PCLO: variants seen among roughly 807,000 people sequenced by gnomAD.
PCLO encodes piccolo presynaptic cytomatrix protein.
In PCLO, 82 loss-of-function variants were observed where a neutral mutation model predicts 427.5. The observed-to-expected ratio is 0.19, with a 90% CI of 0.16 to 0.23. The LOEUF (loss-of-function observed/expected upper bound fraction) is 0.23. PCLO is among the 10% of genes least tolerant of loss of function. PCLO has a pLI of 1.00. For missense variants in PCLO, 6,239 were observed against 6,115.9 expected, an observed-to-expected ratio of 1.02 and a Z score of -0.67; for synonymous variants, 2,357 against 2,155.4, an observed-to-expected ratio of 1.09 and a Z score of -2.59.
Position 82,846,293 on chromosome 7 carries a change from A to G in PCLO, c.13831+274T>C, listed in dbSNP as rs368076496. Among the ~76,000 whole-genome samples the G allele has an allele frequency of 1.1e-4, 17 of 152,298 alleles. No individual in the cohort carries two copies. The South Asian group carries it at 2.9e-3, about 26-fold the overall frequency. On this transcript the variant is annotated intron_variant, in intron 12 of 24. Coordinates refer to ENST00000333891, the MANE Select transcript of PCLO (RefSeq NM_033026.6). ...AGGATGAATTCATATTTAAAGAATT[A>G]AAACTGTGAACTCATGCAGCAAGGA...
At chr7:82,794,459 CTTTTTTTTTTTTTTTTTT>C (rs778108792) in intron 22 of PCLO, among the ~76,000 whole-genome samples, 1 of 56,350 alleles carries the variant, frequency 1.8e-5, no homozygotes, top group Non-Finnish European at 4.1e-5. Flanking sequence ...AATTTTTTTT[CTTTTTTTTTTTTTTTTTT>C]TTTTTTTTTT....
At chr7:82,931,160 AC>A in intron 6 of PCLO, among the ~76,000 whole-genome samples, 1 of 152,140 alleles carries the variant, frequency 6.6e-6, no homozygotes. Context: ...AAATACAGTA[AC>A]CATATAAGGC....
chr7:82,966,373 C>T lies in PCLO; in HGVS notation c.3415G>A (p.Val1139Ile), dbSNP rs370688882. Residue 1139 changes from valine to isoleucine, a missense_variant, in exon 4 of 25, where the codon GTT (valine) becomes ATT (isoleucine). Val to Ile is a conservative substitution (Grantham distance 29). This residue lies in a region of PCLO where 4,677 missense variants were observed against 4,468.4 expected (regional missense o/e 1.05). Transcript: ENST00000333891. Reference sequence around the variant, plus strand: ...TTCTGAGATGATGATTCTGTAGGAACAGGCATAGGAGATGCTTTGGGTCCT... The same window carrying T: ...TTCTGAGATGATGATTCTGTAGGAATAGGCATAGGAGATGCTTTGGGTCCT... ...PSGPKASPMP[V>I]PTESSSQKTA... 1.2e-6 allele frequency: 2 copies of T among 1,613,644 alleles called. No individual in the cohort carries two copies. Among genetic ancestry groups the T allele is most frequent in the South Asian group, 2.2e-5 (2 of 91,082 alleles).
chr7:82,927,442 C>T (rs970843282), intron 6 of PCLO, among the ~76,000 whole-genome samples: 30 of 152,228 alleles, frequency 2.0e-4, no homozygotes, highest in Non-Finnish European at 3.8e-4. Flanking sequence ...AGTCTGGAGC[C>T]TTGTCATTTC....
intron 4 of PCLO, 81 bp downstream of exon 4, chr7:82,965,690 C>A (rs2115655564): frequency 2.3e-6 from 2 of 859,458 alleles, no homozygotes; most frequent in East Asian, 5.0e-5. Flanking sequence ...ATATAATTAC[C>A]ATTGAGCAAC....
chr7:82,919,490 T>TG (rs1191816865), intron 6 of PCLO, among the ~76,000 whole-genome samples: 2 of 151,998 alleles, frequency 1.3e-5, no homozygotes, highest in East Asian at 3.9e-4. Context: ...TTTAAAATTT[T>TG]GGTCTCTATT....
At chr7:82,837,907 A>G (rs571036041) in intron 15 of PCLO, among the ~76,000 whole-genome samples, 9 of 152,090 alleles carry the variant, frequency 5.9e-5, no homozygotes, top group African/African-American at 1.9e-4. Context: ...TTTGACACAA[A>G]TAATTCCTTA....
chr7:82,889,095 T>G (rs1426084428), intron 9 of PCLO, among the ~76,000 whole-genome samples: 1 of 152,042 alleles, frequency 6.6e-6, no homozygotes, highest in East Asian at 1.9e-4. Flanking sequence ...CTGTAGGACC[T>G]AGGGGCGCTC....
intron 3 of PCLO, among the ~76,000 whole-genome samples, chr7:83,091,373 A>G (rs766294674): frequency 1.6e-4 from 24 of 152,280 alleles, no homozygotes; most frequent in Non-Finnish European, 2.8e-4. Flanking sequence ...TCTCCAGGCA[A>G]TTGAAGAAAA....
Position 82,908,923 on chromosome 7 carries a change from G to T in PCLO, c.13391C>A (p.Pro4464Gln), listed in dbSNP as rs200789291. The change falls in exon 8 of 25, where the codon CCG (proline) becomes CAG (glutamine). Residue 4464 changes from proline to glutamine, a missense_variant. By Grantham distance (76) the Pro-to-Gln change is moderately conservative (BLOSUM62 -1). Coordinates refer to ENST00000333891, the MANE Select transcript of PCLO (RefSeq NM_033026.6). Reference protein sequence around the residue: ...ENGHGLDRKLPERLVHSRPLS... With the variant: ...ENGHGLDRKLQERLVHSRPLS... ...TGGTCTAGAGTGGACCAATCTTTCC[G>T]GCAGTTTTCGGTCCAGACCATGTCC... The T allele has an allele frequency of 1.9e-6, 3 of 1,612,590 alleles. No individual in the cohort carries two copies. Among genetic ancestry groups the T allele is most frequent in the African/African-American group, 2.7e-5 (2 of 74,808 alleles).
chr7:82,867,616 C>G (rs1793128877), intron 10 of PCLO, among the ~76,000 whole-genome samples: 1 of 152,148 alleles, frequency 6.6e-6, no homozygotes, highest in South Asian at 2.1e-4. Context: ...ATTGGTTAGA[C>G]AAATCCGGAA....
chr7:82,992,703 T>C (rs1195310719), intron 3 of PCLO, among the ~76,000 whole-genome samples: 2 of 152,012 alleles, frequency 1.3e-5, no homozygotes, highest in Admixed American at 6.6e-5. Flanking sequence ...GGCACACGTC[T>C]ACCTATGTAA....
intron 23 of PCLO, 142 bp from the exon 24 acceptor site, chr7:82,760,926 A>G: frequency 2.7e-6 from 1 of 367,660 alleles, no homozygotes; most frequent in Non-Finnish European, 5.0e-6. Flanking sequence ...ATAACATAAA[A>G]TGATTAAAAG....
intron 22 of PCLO, among the ~76,000 whole-genome samples, chr7:82,774,427 A>G (rs1790707542): frequency 6.6e-6 from 1 of 152,156 alleles, no homozygotes; most frequent in African/African-American, 2.4e-5. Flanking sequence ...GACCATTTTT[A>G]TCATTATATC....
chr7:82,863,806 T>G (rs1000726720), intron 10 of PCLO, among the ~76,000 whole-genome samples: 1 of 152,084 alleles, frequency 6.6e-6, no homozygotes. Context: ...AGGGTTTTCA[T>G]ATGTATACCA....
intron 3 of PCLO, among the ~76,000 whole-genome samples, chr7:83,091,404 T>C (rs913425666): frequency 5.3e-5 from 8 of 152,160 alleles, no homozygotes; most frequent in Admixed American, 2.6e-4. Flanking sequence ...TTGACACTTC[T>C]GTAAGGGCTT....
At chr7:83,068,887 T>C (rs935211621) in intron 3 of PCLO, among the ~76,000 whole-genome samples, 6 of 152,222 alleles carry the variant, frequency 3.9e-5, no homozygotes, top group Non-Finnish European at 7.3e-5. Flanking sequence ...TATTTACTGA[T>C]GGATGACTGG....
intron 6 of PCLO, among the ~76,000 whole-genome samples, chr7:82,925,503 T>TC (rs1244352683): frequency 6.6e-6 from 1 of 152,010 alleles, no homozygotes; most frequent in Non-Finnish European, 1.5e-5. Context: ...CCACCTGCAC[T>TC]CCAACAGCTG....
chr7:83,147,139 G>A (rs1192802018), intron 2 of PCLO, among the ~76,000 whole-genome samples: 2 of 151,002 alleles, frequency 1.3e-5, no homozygotes, highest in Non-Finnish European at 2.9e-5. Context: ...TACATATAAT[G>A]TATATGCCTA....
Sources: allele counts gnomAD v4.1 joint callset (sites outside exome capture counted in the v4.1 genomes callset), GRCh38; gene constraint gnomAD v4.1.1; regional missense constraint gnomAD v4.1.1; transcripts MANE v1.5; gene names NCBI Gene and HGNC (gene_info 2026-07-23, HGNC 2026-07-21).